GLIPR1L2: variants seen among roughly 807,000 people sequenced by gnomAD.
GLIPR1L2 encodes the protein GLIPR1-like protein 2.
In GLIPR1L2, 21 loss-of-function variants were observed where a neutral mutation model predicts 28.4. The ratio of observed to expected loss-of-function variants is 0.74; its 90% CI spans 0.52 to 1.06. GLIPR1L2 has a LOEUF of 1.06. Among genes scored for constraint, GLIPR1L2 ranks in the 50% least tolerant of loss-of-function variants. GLIPR1L2 has a pLI of 0.00. For missense variants in GLIPR1L2, 476 were observed against 416.9 expected (o/e 1.14, Z -1.23); for synonymous variants, 145 against 139.3 (o/e 1.04, Z -0.29).
intron 4 of GLIPR1L2, among the ~76,000 whole-genome samples, chr12:75,428,330 A>T (rs111443657): frequency 1.3e-3 from 191 of 152,304 alleles, no homozygotes; most frequent in Admixed American, 4.3e-3. Flanking sequence ...CTTGAGACAG[A>T]TGATTTAGGG....
intron 2 of GLIPR1L2, among the ~76,000 whole-genome samples, chr12:75,412,725 G>A (rs1239809573): frequency 1.3e-5 from 2 of 151,470 alleles, no homozygotes; most frequent in Admixed American, 6.6e-5. Flanking sequence ...GGAGAAATAG[G>A]AACACTTTTA....
chr12:75,399,858 G>T (rs903551114), intron 1 of GLIPR1L2, among the ~76,000 whole-genome samples: 1 of 152,130 alleles, frequency 6.6e-6, no homozygotes, highest in African/African-American at 2.4e-5. Context: ...GAAGAATCTG[G>T]CAATACCTAC....
intron 3 of GLIPR1L2, among the ~76,000 whole-genome samples, chr12:75,415,112 A>C (rs1432837277): frequency 1.3e-5 from 2 of 152,058 alleles, no homozygotes; most frequent in Non-Finnish European, 2.9e-5. Context: ...GATTGGAATG[A>C]GTTTAACATG....
At chr12:75,394,785 C>A (rs1005033333) in intron 1 of GLIPR1L2, among the ~76,000 whole-genome samples, 1,417 of 76,844 alleles carry the variant, frequency 0.018, 1 homozygote, top group African/African-American at 0.022. Context: ...AAAAAAAAAA[C>A]ATTATTGGGA....
At chr12:75,427,599 C>A (rs572446443) in intron 4 of GLIPR1L2, among the ~76,000 whole-genome samples, 1 of 152,136 alleles carries the variant, frequency 6.6e-6, no homozygotes, top group Non-Finnish European at 1.5e-5. Flanking sequence ...ACTATGCTTC[C>A]TAGTGGAATT....
At chr12:75,404,210 G>C (rs73365996) in intron 1 of GLIPR1L2, among the ~76,000 whole-genome samples, 48,914 of 151,922 alleles carry the variant, frequency 0.32, 8,688 homozygotes, top group East Asian at 0.46. Context: ...GTCTCTCTCT[G>C]TGTGTGTATA....
chr12:75,429,938 C>CTTTT (rs34354324), intron 4 of GLIPR1L2, among the ~76,000 whole-genome samples: 4,811 of 128,456 alleles, frequency 0.037, 232 homozygotes, highest in Middle Eastern at 0.044. Flanking sequence ...TCTTTTCTTT[C>CTTTT]TTTTTTTTTT....
intron 3 of GLIPR1L2, among the ~76,000 whole-genome samples, chr12:75,416,909 G>A (rs372838477): frequency 1.3e-5 from 2 of 151,984 alleles, no homozygotes; most frequent in African/African-American, 4.8e-5. Context: ...ACCTAAAATA[G>A]GCAATCACAT....
At chr12:75,399,524 C>A (rs1011963184) in intron 1 of GLIPR1L2, among the ~76,000 whole-genome samples, 5 of 152,132 alleles carry the variant, frequency 3.3e-5, no homozygotes, top group Non-Finnish European at 5.9e-5. Flanking sequence ...TTATTATAAG[C>A]AAAGCTGTGT....
chr12:75,391,164 AC>A lies in GLIPR1L2; in HGVS notation c.52del (p.Leu18TrpfsTer3). ...CCCGGGAGTGGAGGGCCCAGTCCCT[AC>A]CCCTGGCAGTAGGGGGCGTTTTGAA... ...FAREWRAQSL[P>X]LAVGGVLKLR... On this transcript the variant is annotated frameshift_variant, in exon 1 of 6. Coordinates refer to ENST00000550916, the MANE Select transcript of GLIPR1L2 (RefSeq NM_001270396.2). LOFTEE classifies it high-confidence loss of function. 1.2e-6 allele frequency: 2 copies of A among 1,614,096 alleles called. No individual in the cohort carries two copies. The highest frequency in any genetic ancestry group is 1.1e-5 in the South Asian group (1 of 91,076).
chr12:75,400,495 T>C lies in GLIPR1L2; in HGVS notation c.234+9145T>C, dbSNP rs763227092. 3.3e-5 allele frequency among the ~76,000 whole-genome samples: 5 copies of C among 152,162 alleles called. 1 individual carries two copies. Among genetic ancestry groups the C allele is most frequent in the South Asian group, 4.1e-4 (2 of 4,834 alleles). On this transcript the variant is annotated intron_variant, in intron 1 of 5. Transcript: ENST00000550916. The stretch of plus-strand genomic sequence containing the variant: ...GCAAGGTACATTATGATACGTTTTG[T>C]ATACGAAAATTTAAAATAATGTATA...
chr12:75,404,011 G>A (rs2045770582), intron 1 of GLIPR1L2, among the ~76,000 whole-genome samples: 1 of 152,148 alleles, frequency 6.6e-6, no homozygotes, highest in Non-Finnish European at 1.5e-5. Context: ...GACAAAGAAA[G>A]CCTTAAAGGC....
chr12:75,427,330 CA>C (rs1279632538), intron 4 of GLIPR1L2, among the ~76,000 whole-genome samples: 5 of 152,160 alleles, frequency 3.3e-5, no homozygotes, highest in African/African-American at 1.2e-4. Flanking sequence ...AATAGACACA[CA>C]AATACCAAAT....
At chr12:75,404,664 T>A (rs1566066930) in intron 1 of GLIPR1L2, among the ~76,000 whole-genome samples, 1 of 152,106 alleles carries the variant, frequency 6.6e-6, no homozygotes, top group Non-Finnish European at 1.5e-5. Flanking sequence ...TTTATATGTA[T>A]CAAGTGAAAC....
rs529035621 is a variant in GLIPR1L2, at chr12:75,423,074, C to A, written c.670+85C>A. On this transcript the variant is annotated intron_variant, in intron 4 of 5. Transcript: ENST00000550916. ...CGATTGAACACTAGTTTTTTATGGT[C>A]ATGTTAATATTATTCCTTTGATCAG... is the stretch of plus-strand genomic sequence containing the variant. The A allele has an allele frequency of 2.5e-6, 4 of 1,601,126 alleles. No homozygotes were observed. The South Asian group carries it at 3.4e-5, about 14-fold the overall frequency.
At chr12:75,427,447 G>A (rs1035144710) in intron 4 of GLIPR1L2, among the ~76,000 whole-genome samples, 2 of 151,992 alleles carry the variant, frequency 1.3e-5, no homozygotes, top group Non-Finnish European at 2.9e-5. Context: ...CTAAAATAAC[G>A]GCAAAGATCC....
At chr12:75,429,707 G>T (rs1408940982) in intron 4 of GLIPR1L2, among the ~76,000 whole-genome samples, 2 of 152,024 alleles carry the variant, frequency 1.3e-5, no homozygotes, top group Non-Finnish European at 2.9e-5. Context: ...GAGGTGATTG[G>T]ATCATGGGGA....
intron 4 of GLIPR1L2, 52 bp downstream of exon 4, chr12:75,423,041 AAAAT>A: frequency 6.2e-7 from 1 of 1,606,800 alleles, no homozygotes; most frequent in East Asian, 2.2e-5. Context: ...TTGGACAAGA[AAAAT>A]AAGCGATTGA....
chr12:75,421,985 A>G (rs1016271786), intron 3 of GLIPR1L2, among the ~76,000 whole-genome samples: 2 of 64,902 alleles, frequency 3.1e-5, no homozygotes, highest in African/African-American at 9.2e-5. Flanking sequence ...TTTAAATTTT[A>G]TTTCTTTATT....
Sources: gnomAD v4.1 joint callset for allele counts (sites outside exome capture counted in the v4.1 genomes callset) on GRCh38, gnomAD v4.1.1 for gene constraint, MANE v1.5 for transcripts, NCBI Gene and HGNC (gene_info 2026-07-23, HGNC 2026-07-21) for gene names.